Variants in NAV3 observed in about 807,000 individuals in gnomAD.
NAV3 encodes the protein pore membrane and/or filament interacting like protein 1.
In NAV3, 87 loss-of-function variants were observed where a neutral mutation model predicts 244.7. That is an observed-to-expected ratio of 0.36 (90% CI 0.30 to 0.42). NAV3 has a LOEUF of 0.42. Ranked by LOEUF, NAV3 falls within the 20% of genes least tolerant of loss-of-function variation. NAV3 has a pLI of 1.00. For missense variants in NAV3, 2,663 were observed against 2,893.3 expected (o/e 0.92, Z 1.83); for synonymous variants, 1,126 against 1,042.2 (o/e 1.08, Z -1.55).
chr12:78,167,290 G>A (rs1288883357), intron 23 of NAV3, among the ~76,000 whole-genome samples: 1 of 151,626 alleles, frequency 6.6e-6, no homozygotes, highest in Non-Finnish European at 1.5e-5. Flanking sequence ...ATGAATTGCA[G>A]TCAAGTATTT....
At chr12:77,951,395 G>A (rs1364521676) in intron 3 of NAV3, among the ~76,000 whole-genome samples, 7 of 152,164 alleles carry the variant, frequency 4.6e-5, no homozygotes, top group Non-Finnish European at 1.0e-4. Context: ...AGTTAGAATG[G>A]CGATCATTAA....
intron 7 of NAV3, among the ~76,000 whole-genome samples, chr12:78,003,319 C>T (rs1873648966): frequency 6.6e-6 from 1 of 152,050 alleles, no homozygotes; most frequent in African/African-American, 2.4e-5. Context: ...AAATAAGTGG[C>T]ATAGCCACAT....
At chr12:77,976,083 A>G (rs1382637) in intron 5 of NAV3, among the ~76,000 whole-genome samples, 101,418 of 152,042 alleles carry the variant, frequency 0.67, 34,094 homozygotes, top group East Asian at 0.75. Context: ...CGTTATCGAT[A>G]TAGTATTAGC....
At chr12:77,921,488 G>T (rs1887707667) in intron 1 of NAV3, among the ~76,000 whole-genome samples, 2 of 152,070 alleles carry the variant, frequency 1.3e-5, no homozygotes, top group African/African-American at 4.8e-5. Context: ...AACAAATTGT[G>T]ACTATTATTA....
chr12:77,868,230 AAC>A (rs1555219409), intron 1 of NAV3, among the ~76,000 whole-genome samples: 3 of 152,192 alleles, frequency 2.0e-5, no homozygotes, highest in Admixed American at 6.5e-5. Flanking sequence ...AAACAACAAC[AAC>A]AACAACAACA....
intron 2 of NAV3, among the ~76,000 whole-genome samples, chr12:77,684,872 A>G (rs1182670871): frequency 1.3e-5 from 2 of 152,032 alleles, no homozygotes; most frequent in African/African-American, 4.8e-5. Flanking sequence ...TTTTTTCCAT[A>G]CAGATATATA....
At chr12:77,711,575 G>A (rs1031125336) in intron 2 of NAV3, among the ~76,000 whole-genome samples, 13 of 152,142 alleles carry the variant, frequency 8.5e-5, no homozygotes, top group African/African-American at 3.1e-4. Context: ...TTTGGCCATG[G>A]TATGGAATGC....
At chr12:78,131,038 CCAGACACTAAGGGGT>C (rs1383858505) in intron 18 of NAV3, 2 of 153,318 alleles carry the variant, frequency 1.3e-5, no homozygotes, top group African/African-American at 2.4e-5. Context: ...AACCTGAAGC[CCAGACACTAAGGGGT>C]CAAACCCTCC....
chr12:77,660,002 T>C (rs1873355287), intron 2 of NAV3, among the ~76,000 whole-genome samples: 1 of 151,862 alleles, frequency 6.6e-6, no homozygotes, highest in Non-Finnish European at 1.5e-5. Context: ...GAGATATACC[T>C]AATGCTAGAT....
chr12:78,121,812 A>C, intron 15 of NAV3, 128 bp from the exon 16 acceptor site: 1 of 1,184,646 alleles, frequency 8.4e-7, no homozygotes, highest in Non-Finnish European at 1.2e-6. Flanking sequence ...TCATTAACAT[A>C]GAGACAGGAA....
At chr12:77,763,933 T>C (rs1869616552) in intron 2 of NAV3, among the ~76,000 whole-genome samples, 2 of 152,096 alleles carry the variant, frequency 1.3e-5, no homozygotes, top group South Asian at 2.1e-4. Context: ...AGTGAATATA[T>C]CAAGTAAGGC....
intron 5 of NAV3, among the ~76,000 whole-genome samples, chr12:77,987,321 CTTTAA>C (rs1304118631): frequency 2.0e-5 from 3 of 152,150 alleles, no homozygotes; most frequent in Non-Finnish European, 2.9e-5. Context: ...AATTTCAGCA[CTTTAA>C]TTTACAAAAT....
intron 2 of NAV3, among the ~76,000 whole-genome samples, chr12:77,765,430 C>T (rs1284318956): frequency 6.6e-6 from 1 of 152,172 alleles, no homozygotes; most frequent in South Asian, 2.1e-4. Context: ...ACACATGCTA[C>T]TGGAAGAGAA....
chr12:78,038,167 G>A (rs76805497), intron 9 of NAV3, among the ~76,000 whole-genome samples: 3,517 of 152,258 alleles, frequency 0.023, 148 homozygotes, highest in African/African-American at 0.078. Context: ...TGTCAACTGT[G>A]CCACCTACCT....
intron 8 of NAV3, among the ~76,000 whole-genome samples, chr12:78,017,645 G>A (rs192514398): frequency 9.9e-4 from 151 of 152,124 alleles, no homozygotes; most frequent in African/African-American, 3.4e-3. Context: ...ATCAGTTTAT[G>A]GGGAAACAGT....
At chr12:77,779,752 C>T (rs539616383) in intron 2 of NAV3, among the ~76,000 whole-genome samples, 1 of 152,148 alleles carries the variant, frequency 6.6e-6, no homozygotes, top group Non-Finnish European at 1.5e-5. Flanking sequence ...CATCAACATG[C>T]GAGTTCTTTT....
intron 28 of NAV3, among the ~76,000 whole-genome samples, chr12:78,177,942 G>A (rs1286775233): frequency 6.6e-6 from 1 of 151,430 alleles, no homozygotes; most frequent in African/African-American, 2.4e-5. Flanking sequence ...ATCCACCAGG[G>A]GTACTTTCCA....
At chr12:77,630,477 T>C (rs897357996) in intron 2 of NAV3, among the ~76,000 whole-genome samples, 1 of 152,194 alleles carries the variant, frequency 6.6e-6, no homozygotes, top group Non-Finnish European at 1.5e-5. Flanking sequence ...CCATAGAATG[T>C]ATTGCTGTAA....
At chr12:78,093,650 A>C (rs1463721308) in intron 12 of NAV3, among the ~76,000 whole-genome samples, 2 of 152,200 alleles carry the variant, frequency 1.3e-5, no homozygotes, top group Non-Finnish European at 2.9e-5. Flanking sequence ...GGGAAAAAAA[A>C]AGTACAGTAT....
Sources: gnomAD v4.1 joint callset for allele counts (sites outside exome capture counted in the v4.1 genomes callset) on GRCh38, gnomAD v4.1.1 for gene constraint, MANE v1.5 for transcripts, NCBI Gene and HGNC (gene_info 2026-07-23, HGNC 2026-07-21) for gene names.